MTF1: variants seen among roughly 807,000 people sequenced by gnomAD.
MTF1 encodes metal regulatory transcription factor 1.
Under a neutral mutation model 70.4 loss-of-function variants are expected in MTF1, and 22 were observed. That is an observed-to-expected ratio of 0.31 (90% CI 0.22 to 0.45). The LOEUF is 0.45. Among genes scored for constraint, MTF1 ranks in the 20% least tolerant of loss-of-function variants. The pLI is 1.00. For synonymous variants in MTF1, 333 were observed against 352.8 expected (o/e 0.94, Z 0.63); for missense variants, 649 against 922.0 (o/e 0.70, Z 3.83).
In MTF1 at chr1:37,838,302, TAAG is replaced by T. The variant is rs542849799; in HGVS notation, c.779+320_779+322del. Among the ~76,000 whole-genome samples, 56 of 152,306 alleles carry T rather than the reference TAAG, an allele frequency of 3.7e-4. 1 individual carries two copies. In the East Asian group the frequency reaches 5.0e-3, roughly 14 times the overall value. Reference sequence around the variant, plus strand: ...TTTTTTGTCACCAGACAAAGGTTCTTAAGAAGAAGGCCTGCTTCGGAGTATTTC... The same window carrying T: ...TTTTTTGTCACCAGACAAAGGTTCTTAAGAAGGCCTGCTTCGGAGTATTTC... On this transcript the variant is annotated intron_variant, in intron 4 of 10. Transcript: ENST00000373036.
rs979167305 is a variant in MTF1, at chr1:37,811,714, G to C, written c.*3422C>G. 10 of 151,972 alleles carry C rather than the reference G, an allele frequency of 6.6e-5. No individual in the cohort carries two copies. Among genetic ancestry groups the C allele is most frequent in the African/African-American group, 1.5e-4 (6 of 41,352 alleles). The allele number at this position is 151,972 out of a possible 1,614,324, so 9.4% of individuals were successfully genotyped here. ...CTTGACCCTGAAAATAAAACTCTCCGATCTACCAACTATCCCAGAGGTGAA... is the reference window on the plus strand; with the variant it reads ...CTTGACCCTGAAAATAAAACTCTCCCATCTACCAACTATCCCAGAGGTGAA... On this transcript the variant is annotated 3_prime_UTR_variant, in exon 11 of 11. Coordinates refer to ENST00000373036, the MANE Select transcript of MTF1 (RefSeq NM_005955.3).
In MTF1 at chr1:37,810,591, G is replaced by A. The variant is rs904551540; in HGVS notation, c.*4545C>T. 3.3e-5 allele frequency: 5 copies of A among 152,182 alleles called. No homozygotes were observed. The highest frequency in any genetic ancestry group is 7.3e-5 in the Non-Finnish European group (5 of 68,040). The allele number at this position is 152,182 out of a possible 1,614,324, so 9.4% of individuals were successfully genotyped here. The stretch of plus-strand genomic sequence containing the variant: ...CATGCAAGAGGAAACAGGCCAAAAT[G>A]GCTAACCAATCAGAAATATGCTTCA... On this transcript the variant is annotated 3_prime_UTR_variant, in exon 11 of 11. Coordinates refer to ENST00000373036, the MANE Select transcript of MTF1 (RefSeq NM_005955.3).
At chr1:37,849,100 G>T (rs1486826154) in intron 2 of MTF1, among the ~76,000 whole-genome samples, 1 of 152,188 alleles carries the variant, frequency 6.6e-6, no homozygotes, top group Admixed American at 6.5e-5. Flanking sequence ...AGTTCATGGT[G>T]TGTCTAGAAG....
intron 3 of MTF1, among the ~76,000 whole-genome samples, chr1:37,839,043 A>T (rs1345188320): frequency 4.6e-5 from 7 of 151,888 alleles, no homozygotes; most frequent in African/African-American, 1.7e-4. Context: ...ACCTCAGGTG[A>T]TCCGCCTGCC....
At chr1:37,842,112 A>G (rs1274669593) in intron 2 of MTF1, among the ~76,000 whole-genome samples, 1 of 152,008 alleles carries the variant, frequency 6.6e-6, no homozygotes, top group African/African-American at 2.4e-5. Context: ...ATACCAAAAT[A>G]CAAAAGTTAG....
At chr1:37,832,572 G>A (rs1008911957) in intron 6 of MTF1, among the ~76,000 whole-genome samples, 5 of 152,088 alleles carry the variant, frequency 3.3e-5, no homozygotes, top group South Asian at 2.1e-4. Context: ...ATGCTGGCGC[G>A]CTGCACCCAT....
At chr1:37,854,038 G>A (rs572702457) in intron 2 of MTF1, among the ~76,000 whole-genome samples, 19 of 152,116 alleles carry the variant, frequency 1.2e-4, no homozygotes, top group Non-Finnish European at 2.6e-4. Context: ...ATGGAGTTTT[G>A]CTCTTGTTGC....
In MTF1 at chr1:37,840,970, T is replaced by C; in HGVS notation, c.409-812A>G. 1 of 221,212 alleles carries C rather than the reference T, an allele frequency of 4.5e-6. No homozygotes were observed. The highest frequency in any genetic ancestry group is 9.0e-6 in the Non-Finnish European group (1 of 110,864). The allele number at this position is 221,212 out of a possible 1,614,324, so 13.7% of individuals were successfully genotyped here. ...GCCATGGAGCTCTCAGAGGCAAGGC[T>C]GAGAACAAGGAGTGGATGCCCATCA... On this transcript the variant is annotated intron_variant, in intron 2 of 10. Coordinates refer to ENST00000373036, the MANE Select transcript of MTF1 (RefSeq NM_005955.3). The surrounding 1 kb of genome is among the most constrained non-coding windows in gnomAD (Gnocchi z 4.5).
Position 37,823,819 on chromosome 1 carries a change from GA to G in MTF1, c.1069-8del, listed in dbSNP as rs765135932. Reference sequence around the variant, plus strand: ...TGAGGTCCTGGCCCTGGGTCTGATGGAGAGAGACAAAGATGTGAGATTGGCC... The same window carrying G: ...TGAGGTCCTGGCCCTGGGTCTGATGGGAGAGACAAAGATGTGAGATTGGCC... On this transcript the variant is annotated splice_region_variant and splice_polypyrimidine_tract_variant and intron_variant, in intron 7 of 10. Transcript: ENST00000373036. The G allele has an allele frequency of 1.2e-5, 20 of 1,607,284 alleles. No individual in the cohort carries two copies. The highest frequency in any genetic ancestry group is 1.4e-5 in the Non-Finnish European group (16 of 1,174,092).
At chr1:37,844,333 T>C (rs1641301080) in intron 2 of MTF1, among the ~76,000 whole-genome samples, 1 of 152,188 alleles carries the variant, frequency 6.6e-6, no homozygotes, top group Non-Finnish European at 1.5e-5. Flanking sequence ...TCCTTCCTTC[T>C]CCGCTTTTCT....
chr1:37,836,076 G>A (rs948642370), intron 4 of MTF1, among the ~76,000 whole-genome samples: 2 of 152,182 alleles, frequency 1.3e-5, no homozygotes, highest in Non-Finnish European at 2.9e-5. Context: ...TGGGATTACA[G>A]ACGTGAACCA....
At chr1:37,823,598 C>G (rs1273215971) in intron 8 of MTF1, 112 bp downstream of exon 8, 2 of 736,154 alleles carry the variant, frequency 2.7e-6, no homozygotes, top group South Asian at 1.8e-5. Context: ...AACTTTCTGA[C>G]CCTTTATAGA....
At chr1:37,831,255 C>A (rs946260722) in intron 7 of MTF1, among the ~76,000 whole-genome samples, 2 of 152,162 alleles carry the variant, frequency 1.3e-5, no homozygotes. Flanking sequence ...GAGAATTAGG[C>A]CTTGTCGTGC....
In MTF1 at chr1:37,822,241, T is replaced by C. The variant is rs1209284934; in HGVS notation, c.1647A>G (p.Thr549=). 1 of 1,614,002 alleles carries C rather than the reference T, an allele frequency of 6.2e-7. No homozygotes were observed. The highest frequency in any genetic ancestry group is 8.5e-7 in the Non-Finnish European group (1 of 1,180,042). Residue 549 remains threonine (T), a synonymous_variant, in exon 9 of 11, where the codon ACA becomes ACG. Coordinates refer to ENST00000373036, the MANE Select transcript of MTF1 (RefSeq NM_005955.3). ...TGTTGGGAGTTGGGGTGATGGTTAT[T>C]GTGGGATTATTAGTTAGGACAGAGT... ...GANSVLTNNP[T]ITITPTPNTA...
chr1:37,853,339 A>G (rs887823660), intron 2 of MTF1, among the ~76,000 whole-genome samples: 11 of 152,082 alleles, frequency 7.2e-5, no homozygotes, highest in African/African-American at 2.2e-4. Flanking sequence ...TCCTTCTACT[A>G]CTATGTTCTA....
chr1:37,832,398 G>A (rs1292656331), intron 6 of MTF1, 76 bp from the exon 7 acceptor site: 4 of 915,742 alleles, frequency 4.4e-6, no homozygotes, highest in Non-Finnish European at 7.0e-6. Flanking sequence ...CAAAACATTT[G>A]ATTACAAAGT....
intron 6 of MTF1, among the ~76,000 whole-genome samples, chr1:37,833,378 A>G (rs1190690547): frequency 6.6e-6 from 1 of 152,210 alleles, no homozygotes; most frequent in Non-Finnish European, 1.5e-5. Context: ...CCACATGGGC[A>G]CTGAAAGGCT....
intron 2 of MTF1, among the ~76,000 whole-genome samples, chr1:37,846,591 T>G (rs1479929145): frequency 6.6e-6 from 1 of 152,070 alleles, no homozygotes; most frequent in Admixed American, 6.5e-5. Flanking sequence ...TGATGCTGAT[T>G]TACAAAGTGT....
At chr1:37,818,339 G>C (rs1640850875) in intron 9 of MTF1, among the ~76,000 whole-genome samples, 3 of 152,114 alleles carry the variant, frequency 2.0e-5, no homozygotes, top group African/African-American at 7.2e-5. Flanking sequence ...CCAGCTATTT[G>C]GAAGACTGAA....
Sources: gnomAD v4.1 joint callset for allele counts (sites outside exome capture counted in the v4.1 genomes callset) on GRCh38, gnomAD v4.1.1 for gene constraint, Gnocchi (gnomAD v3.1) non-coding constraint, MANE v1.5 for transcripts, NCBI Gene and HGNC (gene_info 2026-07-23, HGNC 2026-07-21) for gene names.